The following PRKCQ variants were observed in gnomAD, a reference collection of about 807,000 sequenced individuals.
The protein encoded by PRKCQ is protein kinase C theta, also known as protein kinase C theta type.
PRKCQ carries 41 observed loss-of-function variants against 91.2 expected under a neutral mutation model. That is an observed-to-expected ratio of 0.45 (90% CI 0.35 to 0.58). PRKCQ has a LOEUF of 0.58. Ranked by LOEUF, PRKCQ falls within the 20% of genes least tolerant of loss-of-function variation. The probability of loss-of-function intolerance (pLI) is 0.00; values close to 1 mark genes in which losing one functional copy is unlikely to be tolerated. For missense variants in PRKCQ, 673 were observed against 896.5 expected (o/e 0.75, Z 3.18); for synonymous variants, 307 against 316.9 (o/e 0.97, Z 0.33).
chr10:6,424,935 G>A (rs944105373), downstream of PRKCQ, among the ~76,000 whole-genome samples: 1 of 152,210 alleles, frequency 6.6e-6, no homozygotes. Flanking sequence ...AGGCTAAAGT[G>A]CAAAGTGGAG....
rs968912113 is a variant in PRKCQ, at chr10:6,562,421, C to T, written c.-10+17790G>A. ...CGCTTCAGGGCCCAGCAGAGAATGC[C>T]TGGAGAAGAACCCAGCCAAGCCGAC... is the stretch of plus-strand genomic sequence containing the variant. On this transcript the variant is annotated intron_variant, in intron 1 of 17. Coordinates refer to ENST00000263125, the MANE Select transcript of PRKCQ (RefSeq NM_006257.5). Among the ~76,000 whole-genome samples, 9 of 152,314 alleles carry T rather than the reference C, an allele frequency of 5.9e-5. No individual in the cohort carries two copies. In the South Asian group the frequency reaches 1.9e-3, roughly 32 times the overall value.
chr10:6,438,655 G>A (rs1036558824), intron 16 of PRKCQ, among the ~76,000 whole-genome samples: 1 of 152,096 alleles, frequency 6.6e-6, no homozygotes, highest in Non-Finnish European at 1.5e-5. Flanking sequence ...GAGTGCAGTG[G>A]TGTGATCATG....
Position 6,427,993 on chromosome 10 carries a change from A to T in PRKCQ, c.*214T>A. Reference sequence around the variant, plus strand: ...TGACCTAACTTCAGGAGCGTCTGTGAGACATGTCAGGAGACGAGACACACG... The same window carrying T: ...TGACCTAACTTCAGGAGCGTCTGTGTGACATGTCAGGAGACGAGACACACG... On this transcript the variant is annotated 3_prime_UTR_variant, in exon 18 of 18. Coordinates refer to ENST00000263125, the MANE Select transcript of PRKCQ (RefSeq NM_006257.5). 3.4e-6 allele frequency: 2 copies of T among 588,182 alleles called. No homozygotes were observed. Among genetic ancestry groups the T allele is most frequent in the Non-Finnish European group, 5.9e-6 (2 of 337,026 alleles). The allele number at this position is 588,182 out of a possible 1,614,324, so 36.4% of individuals were successfully genotyped here.
rs1037295830 is a variant in PRKCQ, at chr10:6,514,965, C to T, written c.118+53G>A. ...GGAAGACCTTGCTTCATACACAGTT[C>T]ATAGCAGGATTCTCCTCCTCCTCCC... On this transcript the variant is annotated intron_variant, in intron 2 of 17. Transcript: ENST00000263125. The T allele has an allele frequency of 9.9e-6, 16 of 1,610,626 alleles. No individual in the cohort carries two copies. In the South Asian group the frequency reaches 1.6e-4, roughly 17 times the overall value.
intron 16 of PRKCQ, among the ~76,000 whole-genome samples, chr10:6,437,947 C>T (rs1833785123): frequency 6.6e-6 from 1 of 152,156 alleles, no homozygotes; most frequent in African/African-American, 2.4e-5. Flanking sequence ...GCCACCGTGC[C>T]CGGCTCCCAC....
intron 1 of PRKCQ, among the ~76,000 whole-genome samples, chr10:6,557,614 T>C (rs906133053): frequency 1.7e-4 from 26 of 152,218 alleles, no homozygotes; most frequent in Non-Finnish European, 3.7e-4. Context: ...TGATGGCTCC[T>C]ATGACCCTCT....
intron 15 of PRKCQ, among the ~76,000 whole-genome samples, chr10:6,445,509 G>C (rs986860846): frequency 1.3e-5 from 2 of 152,154 alleles, no homozygotes; most frequent in African/African-American, 4.8e-5. Context: ...CTTCTTATAA[G>C]CTTCTTGTGA....
chr10:6,536,126 A>C (rs1839574278), intron 1 of PRKCQ, among the ~76,000 whole-genome samples: 1 of 152,188 alleles, frequency 6.6e-6, no homozygotes, highest in Admixed American at 6.5e-5. Context: ...AGGAGAATGG[A>C]ATGTGTGAAA....
At chr10:6,431,376 A>C (rs1833416722) in intron 16 of PRKCQ, among the ~76,000 whole-genome samples, 1 of 152,200 alleles carries the variant, frequency 6.6e-6, no homozygotes, top group African/African-American at 2.4e-5. Context: ...ACATGGACAT[A>C]AACACACACT....
chr10:6,394,306 G>A, the PRKCQ span, among the ~76,000 whole-genome samples: 1 of 152,126 alleles, frequency 6.6e-6, no homozygotes, highest in African/African-American at 2.4e-5. Context: ...CAGGACACCT[G>A]GCGCCTCTGC....
intron 1 of PRKCQ, among the ~76,000 whole-genome samples, chr10:6,540,692 C>T (rs556365878): frequency 1.3e-5 from 2 of 152,280 alleles, no homozygotes; most frequent in Admixed American, 6.5e-5. Context: ...AATGCTGCCA[C>T]GGAGTTTAGT....
chr10:6,448,880 T>C (rs1834481046), intron 15 of PRKCQ, among the ~76,000 whole-genome samples: 1 of 151,966 alleles, frequency 6.6e-6, no homozygotes, highest in Non-Finnish European at 1.5e-5. Flanking sequence ...GTCCTGTTTG[T>C]TAGAAGGAAA....
chr10:6,420,822 C>G, the PRKCQ span, among the ~76,000 whole-genome samples: 1 of 152,182 alleles, frequency 6.6e-6, no homozygotes. Context: ...ACTTCTCTCT[C>G]TCTCATCACT....
At chr10:6,535,251 C>T (rs1839538127) in intron 1 of PRKCQ, among the ~76,000 whole-genome samples, 1 of 152,142 alleles carries the variant, frequency 6.6e-6, no homozygotes, top group South Asian at 2.1e-4. Context: ...TCACCTAATA[C>T]CAACTTATCA....
rs368834592 is a variant in PRKCQ at position 6,451,696 on chromosome 10, G to A, written c.1647+4978C>T. ...ATCCTCAATAAAATACTGGCAAACCGAATCCAGCAGCACATTAAAAAGCTT... is the reference window on the plus strand; with the variant it reads ...ATCCTCAATAAAATACTGGCAAACCAAATCCAGCAGCACATTAAAAAGCTT... On this transcript the variant is annotated intron_variant, in intron 15 of 17. Coordinates refer to ENST00000263125, the MANE Select transcript of PRKCQ (RefSeq NM_006257.5). 7.4e-4 allele frequency among the ~76,000 whole-genome samples: 113 copies of A among 152,144 alleles called. 1 individual carries two copies. The East Asian group carries it at 0.012, about 16-fold the overall frequency.
chr10:6,467,989 T>C (rs1380370105), intron 12 of PRKCQ, among the ~76,000 whole-genome samples: 2 of 152,316 alleles, frequency 1.3e-5, no homozygotes, highest in South Asian at 4.1e-4. Context: ...GGAGGTTCAC[T>C]TGAGCCTAGG....
At chr10:6,462,813 T>C (rs559683241) in intron 13 of PRKCQ, among the ~76,000 whole-genome samples, 1 of 152,244 alleles carries the variant, frequency 6.6e-6, no homozygotes, top group African/African-American at 2.4e-5. Flanking sequence ...AAGACCAGCA[T>C]GGGCAACATG....
At chr10:6,395,165 G>C in the PRKCQ span, among the ~76,000 whole-genome samples, 8,097 of 147,344 alleles carry the variant, frequency 0.055, 336 homozygotes, top group East Asian at 0.14. Flanking sequence ...CCGGGTTCAC[G>C]CCATTCTCCC....
At chr10:6,544,796 A>G (rs1399486899) in intron 1 of PRKCQ, among the ~76,000 whole-genome samples, 2 of 151,912 alleles carry the variant, frequency 1.3e-5, no homozygotes, top group African/African-American at 4.8e-5. Flanking sequence ...AAATTTTTAT[A>G]TTTTTAGTAG....
Sources: gnomAD v4.1 joint callset for allele counts (sites outside exome capture counted in the v4.1 genomes callset) on GRCh38, gnomAD v4.1.1 for gene constraint, MANE v1.5 for transcripts, NCBI Gene and HGNC (gene_info 2026-07-23, HGNC 2026-07-21) for gene names.